The following YTHDC2 variants were observed in gnomAD, a reference collection of about 807,000 sequenced individuals.
YTHDC2 encodes YTH N6-methyladenosine RNA binding protein C2, also known as 3'-5' RNA helicase YTHDC2.
A neutral mutation model predicts 174.9 loss-of-function variants in YTHDC2; 45 were observed. The observed-to-expected ratio is 0.26, with a 90% confidence interval of 0.20 to 0.33. YTHDC2 has a LOEUF of 0.33. Ranked by LOEUF, YTHDC2 falls within the 10% of genes least tolerant of loss-of-function variation. YTHDC2 has a pLI of 1.00. For missense variants in YTHDC2, 1,650 were observed against 1,723.7 expected (o/e 0.96, Z 0.76); for synonymous variants, 657 against 574.5 (o/e 1.14, Z -2.05).
intron 23 of YTHDC2, among the ~76,000 whole-genome samples, chr5:113,577,672 T>C (rs1033817681): frequency 2.6e-5 from 4 of 152,190 alleles, no homozygotes; most frequent in Non-Finnish European, 5.9e-5. Context: ...ACCTGGCCTC[T>C]TTTGTATATT....
rs145919261 is a variant in YTHDC2 at position 113,537,093 on chromosome 5, G to A, written c.1102+1295G>A. Among the ~76,000 whole-genome samples the A allele has an allele frequency of 4.9e-4, 74 of 152,218 alleles. 2 individuals carry two copies. In the East Asian group the frequency reaches 0.013, roughly 28 times the overall value. ...AATGTTATAATGAACATCCTTTTAT[G>A]TATATCCTGATGTACTGGATTTCTA... On this transcript the variant is annotated intron_variant, in intron 7 of 29. Coordinates refer to ENST00000161863, the MANE Select transcript of YTHDC2 (RefSeq NM_022828.5).
intron 12 of YTHDC2, among the ~76,000 whole-genome samples, chr5:113,550,303 A>G (rs12659978): frequency 0.37 from 56,487 of 151,784 alleles, 13,017 homozygotes; most frequent in East Asian, 0.67. Flanking sequence ...GGCATTGTCA[A>G]TCATATTAAA....
chr5:113,515,279 A>T lies in YTHDC2; in HGVS notation c.195A>T (p.Glu65Asp). ...RFRYGDQREM[E>D]FPSSLTSTER... ...TGTTTTTTTTCCGTGTAGAAATGGAATTTCCTTCTTCTTTGACCAGTACTG... is the reference window on the plus strand; with the variant it reads ...TGTTTTTTTTCCGTGTAGAAATGGATTTTCCTTCTTCTTTGACCAGTACTG... The change falls in exon 2 of 30, where the codon GAA (glutamate) becomes GAT (aspartate). Residue 65 changes from glutamate (E) to aspartate (D), a missense_variant. By Grantham distance (45) the Glu-to-Asp change is conservative. Transcript: ENST00000161863. 6.2e-7 allele frequency: 1 copy of T among 1,603,494 alleles called. No homozygotes were observed. Among genetic ancestry groups the T allele is most frequent in the Non-Finnish European group, 8.5e-7 (1 of 1,177,064 alleles).
chr5:113,539,984 C>T lies in YTHDC2; in HGVS notation c.1210+803C>T, dbSNP rs183916919. Among the ~76,000 whole-genome samples, 17 of 152,270 alleles carry T rather than the reference C, an allele frequency of 1.1e-4. No homozygotes were observed. The East Asian group carries it at 3.1e-3, about 28-fold the overall frequency. On this transcript the variant is annotated intron_variant, in intron 8 of 29. Transcript: ENST00000161863. The stretch of plus-strand genomic sequence containing the variant: ...TGGTGCAATCATGGCTCACTGCAGC[C>T]TCGACCTCCTCATCTCAAGGGATCC...
intron 9 of YTHDC2, among the ~76,000 whole-genome samples, chr5:113,541,852 A>G (rs1775500022): frequency 6.6e-6 from 1 of 152,118 alleles, no homozygotes; most frequent in African/African-American, 2.4e-5. Flanking sequence ...AAAAACATAT[A>G]GTATAGACTT....
intron 10 of YTHDC2, among the ~76,000 whole-genome samples, chr5:113,543,803 C>A (rs1466538691): frequency 1.3e-5 from 2 of 152,166 alleles, no homozygotes; most frequent in East Asian, 3.8e-4. Flanking sequence ...CAACACATTC[C>A]CTTTGGGACT....
At chr5:113,557,595 ACTAG>A (rs1776698311) in intron 17 of YTHDC2, among the ~76,000 whole-genome samples, 1 of 152,132 alleles carries the variant, frequency 6.6e-6, no homozygotes, top group East Asian at 1.9e-4. Flanking sequence ...AGAGTCTGAG[ACTAG>A]CCTGGGCATC....
In YTHDC2 at chr5:113,592,374, C is replaced by T. The variant is rs536589006; in HGVS notation, c.4212+196C>T. ...TCTGATTGCTCCTTGCAGTCAGAGT[C>T]TCAAGATGACAATAGTATTTAACTT... On this transcript the variant is annotated intron_variant, in intron 28 of 29. Transcript: ENST00000161863. The T allele has an allele frequency of 1.9e-4, 86 of 456,864 alleles. 1 individual carries two copies. The South Asian group carries it at 3.5e-3, about 19-fold the overall frequency. The allele number at this position is 456,864 out of a possible 1,614,324, so 28.3% of individuals were successfully genotyped here. A position where few individuals can be genotyped will look rare whatever the true frequency, so the allele number is the denominator to read the frequency against.
At chr5:113,572,220 T>G (rs1412591949) in intron 23 of YTHDC2, among the ~76,000 whole-genome samples, 2 of 152,262 alleles carry the variant, frequency 1.3e-5, no homozygotes, top group African/African-American at 4.8e-5. Flanking sequence ...CTTAATTTTG[T>G]TATTTACCCA....
At position 113,513,937 on chromosome 5, in the gene YTHDC2, T is replaced by G. The variant is rs773362611; in HGVS notation, c.42T>G (p.Pro14=). The part of the protein sequence containing the change: ...PSSVSPRQPA[P]GGGGGGGPSP... ...GCGTCTCCCCGCGGCAGCCGGCTCC[T>G]GGCGGTGGCGGAGGCGGCGGCCCCT... Residue 14 remains proline, a synonymous_variant, in exon 1 of 30, where the codon CCT becomes CCG. Coordinates refer to ENST00000161863, the MANE Select transcript of YTHDC2 (RefSeq NM_022828.5). 6 of 1,605,140 alleles carry G rather than the reference T, an allele frequency of 3.7e-6. No homozygotes were observed. Among genetic ancestry groups the G allele is most frequent in the Non-Finnish European group, 5.1e-6 (6 of 1,176,332 alleles).
At chr5:113,526,114 CT>C (rs1225338291) in intron 3 of YTHDC2, among the ~76,000 whole-genome samples, 2 of 151,500 alleles carry the variant, frequency 1.3e-5, no homozygotes, top group African/African-American at 4.8e-5. Context: ...GGGATATTTT[CT>C]TTTTTTTGTA....
chr5:113,580,922 C>T (rs1778364112), intron 24 of YTHDC2, among the ~76,000 whole-genome samples: 1 of 152,150 alleles, frequency 6.6e-6, no homozygotes, highest in African/African-American at 2.4e-5. Flanking sequence ...TTCTCTAGCA[C>T]TTTGTGTCTT....
chr5:113,572,854 G>A (rs1441584974), intron 23 of YTHDC2, among the ~76,000 whole-genome samples: 2 of 152,260 alleles, frequency 1.3e-5, no homozygotes, highest in African/African-American at 2.4e-5. Flanking sequence ...GTGTGGCTTT[G>A]CATGTGAGAT....
intron 16 of YTHDC2, 21 bp downstream of exon 16, chr5:113,554,043 G>A (rs759347898): frequency 1.4e-6 from 2 of 1,477,196 alleles, no homozygotes; most frequent in Non-Finnish European, 1.8e-6. Context: ...GTAAGTTGTA[G>A]TTTTACTTAA....
At chr5:113,586,484 C>G (rs1476383120) in intron 26 of YTHDC2, among the ~76,000 whole-genome samples, 1 of 151,732 alleles carries the variant, frequency 6.6e-6, no homozygotes, top group Non-Finnish European at 1.5e-5. Flanking sequence ...CTTAACAGTG[C>G]CTTTTGAAGA....
intron 12 of YTHDC2, among the ~76,000 whole-genome samples, chr5:113,552,333 A>T (rs932744467): frequency 1.3e-5 from 2 of 152,066 alleles, no homozygotes; most frequent in African/African-American, 4.8e-5. Context: ...GTCTCTCCCT[A>T]TTCCGCCCCA....
chr5:113,553,541 CCT>C, intron 13 of YTHDC2, 47 bp from the exon 14 acceptor site: 1 of 1,574,770 alleles, frequency 6.4e-7, no homozygotes, highest in Non-Finnish European at 8.7e-7. Flanking sequence ...CTGTTGATTG[CCT>C]CTGATTCACA....
At chr5:113,535,875 TG>T in intron 7 of YTHDC2, 77 bp downstream of exon 7, 1 of 1,269,338 alleles carries the variant, frequency 7.9e-7, no homozygotes. Context: ...TAACAGAAAC[TG>T]GGGAATGTTC....
intron 4 of YTHDC2, among the ~76,000 whole-genome samples, chr5:113,529,066 G>T (rs990553630): frequency 8.6e-5 from 13 of 152,030 alleles, no homozygotes; most frequent in Non-Finnish European, 1.5e-4. Flanking sequence ...TTCCAAGTCA[G>T]TGCCTATAGA....
Sources: allele counts gnomAD v4.1 joint callset (sites outside exome capture counted in the v4.1 genomes callset), GRCh38; gene constraint gnomAD v4.1.1; transcripts MANE v1.5; gene names NCBI Gene and HGNC (gene_info 2026-07-23, HGNC 2026-07-21).